The following IGSF10 variants were observed in gnomAD, a reference collection of about 807,000 sequenced individuals.
The protein encoded by IGSF10 is immunoglobulin superfamily member 10, also known as calvaria mechanical force protein 608.
A neutral mutation model predicts 128.2 loss-of-function variants in IGSF10; 126 were observed. The ratio of observed to expected loss-of-function variants is 0.98; its 90% CI spans 0.85 to 1.14. The LOEUF (loss-of-function observed/expected upper bound fraction) is 1.14. Ranked by LOEUF, IGSF10 falls within the 50% of genes most tolerant of loss-of-function variation. The pLI is 0.00. For missense variants in IGSF10, 3,295 were observed against 3,149.8 expected, an observed-to-expected ratio of 1.05 and a Z score of -1.10; for synonymous variants, 1,185 against 1,146.2, an observed-to-expected ratio of 1.03 and a Z score of -0.68.
the IGSF10 span, among the ~76,000 whole-genome samples, chr3:151,520,478 CT>C: frequency 1.1e-4 from 16 of 151,626 alleles, no homozygotes; most frequent in Non-Finnish European, 1.3e-4. Context: ...AAAAACCATA[CT>C]GTTTATACAT....
chr3:151,550,231 T>C, the IGSF10 span, among the ~76,000 whole-genome samples: 2 of 152,178 alleles, frequency 1.3e-5, no homozygotes, highest in South Asian at 4.1e-4. Flanking sequence ...GAAAATCTTA[T>C]TCCATTTTGG....
the IGSF10 span, among the ~76,000 whole-genome samples, chr3:151,584,691 T>C: frequency 6.6e-6 from 1 of 152,190 alleles, no homozygotes; most frequent in African/African-American, 2.4e-5. Context: ...CTTTACCCCC[T>C]GGGGATCTCC....
At chr3:151,573,765 G>A in the IGSF10 span, among the ~76,000 whole-genome samples, 6 of 152,316 alleles carry the variant, frequency 3.9e-5, no homozygotes, top group African/African-American at 1.4e-4. Flanking sequence ...ATTTGATCCT[G>A]TCATTATGAT....
chr3:151,557,332 G>T, the IGSF10 span, among the ~76,000 whole-genome samples: 1 of 152,090 alleles, frequency 6.6e-6, no homozygotes, highest in African/African-American at 2.4e-5. Flanking sequence ...AGTTGTCCAG[G>T]ACAAAGTTCT....
chr3:151,494,920 T>C, the IGSF10 span, among the ~76,000 whole-genome samples: 794 of 148,934 alleles, frequency 5.3e-3, 6 homozygotes, highest in African/African-American at 0.018. Context: ...TCAGAAACCT[T>C]CTGGGAAAGG....
At chr3:151,518,063 G>A in the IGSF10 span, among the ~76,000 whole-genome samples, 2 of 152,042 alleles carry the variant, frequency 1.3e-5, no homozygotes, top group East Asian at 1.9e-4. Flanking sequence ...ACCAAAAGGG[G>A]TAATTGTTAA....
the IGSF10 span, among the ~76,000 whole-genome samples, chr3:151,493,825 T>C: frequency 6.8e-6 from 1 of 146,002 alleles, no homozygotes; most frequent in Non-Finnish European, 1.5e-5. Context: ...ACCAATTTTT[T>C]GTGTTTTGTT....
At chr3:151,593,155 G>T in the IGSF10 span, among the ~76,000 whole-genome samples, 6 of 152,192 alleles carry the variant, frequency 3.9e-5, no homozygotes, top group Middle Eastern at 3.4e-3. Flanking sequence ...TTTTAAGACA[G>T]GTGCTCGCGC....
In IGSF10 at chr3:151,453,492, C is replaced by T; in HGVS notation, c.607G>A (p.Glu203Lys). 1 of 1,613,968 alleles carries T rather than the reference C, an allele frequency of 6.2e-7. No individual in the cohort carries two copies. The highest frequency in any genetic ancestry group is 1.1e-5 in the South Asian group (1 of 91,072). The change falls in exon 5 of 8, where the codon GAG becomes AAG. Residue 203 changes from glutamate (E) to lysine (K), a missense_variant. Glu to Lys is a moderately conservative substitution (Grantham distance 56, BLOSUM62 1). Transcript: ENST00000282466. ...AGGTCAGGCATATAGGAGACCATCT[C>T]TTGAGGGAGGGAGGTCAGGAAGTTA... ...SDNFLTSLPQ[E>K]MVSYMPDLDS...
the IGSF10 span, among the ~76,000 whole-genome samples, chr3:151,536,523 A>G: frequency 6.6e-6 from 1 of 152,188 alleles, no homozygotes; most frequent in South Asian, 2.1e-4. Context: ...GTGGCCCTAC[A>G]TGACAGCTTT....
the IGSF10 span, among the ~76,000 whole-genome samples, chr3:151,505,134 A>G: frequency 6.0e-3 from 907 of 152,284 alleles, 3 homozygotes; most frequent in African/African-American, 0.021. Flanking sequence ...GTTCGTTCTC[A>G]TGCTGCTATG....
chr3:151,604,702 T>A, the IGSF10 span, among the ~76,000 whole-genome samples: 3 of 151,928 alleles, frequency 2.0e-5, no homozygotes, highest in Admixed American at 2.0e-4. Flanking sequence ...AAAGGCTTGT[T>A]TGGTAAGCTT....
At position 151,443,060 on chromosome 3, in the gene IGSF10, A is replaced by C. The variant is rs1236082174; in HGVS notation, c.5887T>G (p.Cys1963Gly). 1 of 1,614,234 alleles carries C rather than the reference A, an allele frequency of 6.2e-7. No homozygotes were observed. Residue 1963 changes from cysteine (C) to glycine (G), a missense_variant, in exon 7 of 8, where the codon TGC becomes GGC. By Grantham distance (159) the Cys-to-Gly change is radical (BLOSUM62 -3). Coordinates refer to ENST00000282466, the MANE Select transcript of IGSF10 (RefSeq NM_178822.5). ...GGTTTGGGCTCCCCAGTGGCTGAGC[A>C]GTTCAGTAGTAATTTGTCCCCAAAA... ...VNFGDKLLLN[C>G]SATGEPKPQI...
At chr3:151,550,809 C>T in the IGSF10 span, among the ~76,000 whole-genome samples, 1 of 152,138 alleles carries the variant, frequency 6.6e-6, no homozygotes, top group Non-Finnish European at 1.5e-5. Flanking sequence ...CCTATCATTT[C>T]TTGCTGTCTG....
chr3:151,445,840 T>C lies in IGSF10; in HGVS notation c.4141A>G (p.Thr1381Ala). 1 of 1,614,220 alleles carries C rather than the reference T, an allele frequency of 6.2e-7. No individual in the cohort carries two copies. The highest frequency in any genetic ancestry group is 1.1e-5 in the South Asian group (1 of 91,080). Reference protein sequence around the residue: ...PTAMTPPVLTTAETSVKPSVS... With the variant: ...PTAMTPPVLTAAETSVKPSVS... The stretch of plus-strand genomic sequence containing the variant: ...CTGGGCTTGACTGAAGTTTCGGCTG[T>C]GGTTAGAACAGGAGGTGTCATAGCA... Residue 1381 changes from threonine to alanine, a missense_variant, in exon 6 of 8, where the codon ACA becomes GCA. Physicochemically the swap from Thr to Ala is moderately conservative, Grantham distance 58 (BLOSUM62 0). Coordinates refer to ENST00000282466, the MANE Select transcript of IGSF10 (RefSeq NM_178822.5).
chr3:151,483,928 G>A, the IGSF10 span, among the ~76,000 whole-genome samples: 3 of 152,152 alleles, frequency 2.0e-5, no homozygotes, highest in Non-Finnish European at 4.4e-5. Context: ...TACCCCAGTG[G>A]CACCTGGAAC....
At chr3:151,537,002 T>C in the IGSF10 span, among the ~76,000 whole-genome samples, 1 of 152,196 alleles carries the variant, frequency 6.6e-6, no homozygotes, top group Non-Finnish European at 1.5e-5. Flanking sequence ...ATCCCCAAAC[T>C]ACAGAATTTA....
intron 5 of IGSF10, among the ~76,000 whole-genome samples, chr3:151,450,310 C>T (rs1405521783): frequency 6.6e-6 from 1 of 152,170 alleles, no homozygotes; most frequent in East Asian, 1.9e-4. Context: ...CATATAGTAG[C>T]TCTTATATGA....
At position 151,438,185 on chromosome 3, in the gene IGSF10, C is replaced by G. The variant is rs1238191945; in HGVS notation, c.6376G>C (p.Gly2126Arg). The change falls in exon 8 of 8, where the codon GGG (glycine) becomes CGG (arginine). Residue 2126 changes from glycine (G) to arginine (R), a missense_variant. Coordinates refer to ENST00000282466, the MANE Select transcript of IGSF10 (RefSeq NM_178822.5). ...AAGTGGACCTTCATTTCATCTTTCC[C>G]TAGGGTGTTCTGGGCATAGCAAGTA... is the stretch of plus-strand genomic sequence containing the variant. ...DYTCYAQNTL[G>R]KDEMKVHLTV... 3.1e-6 allele frequency: 5 copies of G among 1,614,146 alleles called. No homozygotes were observed. The South Asian group carries it at 4.4e-5, about 14-fold the overall frequency.
Sources: allele counts gnomAD v4.1 joint callset (sites outside exome capture counted in the v4.1 genomes callset), GRCh38; gene constraint gnomAD v4.1.1; transcripts MANE v1.5; gene names NCBI Gene and HGNC (gene_info 2026-07-23, HGNC 2026-07-21).